SPOCK2: variants seen among roughly 807,000 people sequenced by gnomAD.
The protein encoded by SPOCK2 is SPARC (osteonectin), cwcv and kazal like domains proteoglycan 2.
In SPOCK2, 39 loss-of-function variants were observed where a neutral mutation model predicts 60.1. The ratio of observed to expected loss-of-function variants is 0.65; its 90% CI spans 0.50 to 0.85. The LOEUF is 0.85. Ranked by LOEUF, SPOCK2 falls within the 40% of genes least tolerant of loss-of-function variation. SPOCK2 has a pLI of 0.00. For synonymous variants in SPOCK2, 217 were observed against 231.5 expected (o/e 0.94, Z 0.57); for missense variants, 523 against 567.4 (o/e 0.92, Z 0.80).
chr10:72,064,040 C>T (rs1840532806), intron 9 of SPOCK2, 138 bp downstream of exon 9: 2 of 1,100,436 alleles, frequency 1.8e-6, no homozygotes, highest in East Asian at 5.6e-5. Flanking sequence ...GGGGGCAACC[C>T]TCTTCTGTCT....
At chr10:72,081,383 C>G (rs557784222) in intron 1 of SPOCK2, among the ~76,000 whole-genome samples, 1 of 152,342 alleles carries the variant, frequency 6.6e-6, no homozygotes, top group South Asian at 2.1e-4. Flanking sequence ...AGGTAAGACA[C>G]CAGCTGGGCC....
In SPOCK2 at chr10:72,067,711, A is replaced by C; in HGVS notation, c.611T>G (p.Leu204Arg). 24 of 1,613,780 alleles carry C rather than the reference A, an allele frequency of 1.5e-5. No individual in the cohort carries two copies. Among genetic ancestry groups the C allele is most frequent in the Non-Finnish European group, 2.0e-5 (24 of 1,179,938 alleles). The change falls in exon 7 of 11, where the codon CTG becomes CGG. Residue 204 changes from leucine to arginine, a missense_variant. Leu to Arg is a moderately radical substitution (Grantham distance 102). Transcript: ENST00000373109. ...GKPETCTGQD[L>R]ADLGDRLRDW... ...CCGCAGCCGATCTCCCAGGTCAGCC[A>C]GGTCCTGACCGGTGCAAGTCTCTGC...
intron 8 of SPOCK2, among the ~76,000 whole-genome samples, chr10:72,065,275 A>G (rs1477325191): frequency 6.6e-6 from 1 of 151,566 alleles, no homozygotes; most frequent in Admixed American, 6.6e-5. Flanking sequence ...ACCTCAGGTG[A>G]TCCACCCACC....
rs1250514902 is a variant in SPOCK2 at position 72,088,547 on chromosome 10, G to C, written c.-219C>G. 2.0e-6 allele frequency: 1 copy of C among 509,070 alleles called. No homozygotes were observed. Among genetic ancestry groups the C allele is most frequent in the Non-Finnish European group, 3.4e-6 (1 of 292,386 alleles). 31.5% of individuals were successfully genotyped at this position (509,070 alleles called of 1,614,324 possible). Reference sequence around the variant, plus strand: ...AGCACTGGACGCGGAGAGGGAGAGAGAATCAGAGAGGCTGCGCCAGCAGGG... The same window carrying C: ...AGCACTGGACGCGGAGAGGGAGAGACAATCAGAGAGGCTGCGCCAGCAGGG... On this transcript the variant is annotated 5_prime_UTR_variant, in exon 1 of 11. Transcript: ENST00000373109.
chr10:72,065,333 G>T (rs1274781692), intron 8 of SPOCK2, among the ~76,000 whole-genome samples: 2 of 152,206 alleles, frequency 1.3e-5, no homozygotes, highest in African/African-American at 4.8e-5. Context: ...ACCGCGCCCG[G>T]TCTATGTTTA....
At chr10:72,067,553 G>A in intron 7 of SPOCK2, 60 bp downstream of exon 7, 2 of 1,603,110 alleles carry the variant, frequency 1.2e-6, no homozygotes, top group South Asian at 1.1e-5. Flanking sequence ...GCATACACCT[G>A]TGTCCTCAGC....
At chr10:72,073,087 G>A (rs1218344593) in intron 1 of SPOCK2, among the ~76,000 whole-genome samples, 177 bp from the exon 2 acceptor site, 2 of 152,172 alleles carry the variant, frequency 1.3e-5, no homozygotes, top group East Asian at 3.9e-4. Context: ...CCCAATAAGA[G>A]GCCAGTATTC....
chr10:72,084,744 G>A (rs1039845460), intron 1 of SPOCK2, among the ~76,000 whole-genome samples: 2 of 152,160 alleles, frequency 1.3e-5, no homozygotes, highest in African/African-American at 4.8e-5. Context: ...TTACTTCTCT[G>A]TGCCTCAGTT....
Position 72,072,495 on chromosome 10 carries a change from C to T in SPOCK2, c.244+8G>A. ...AGTCACCTTCCCCCGCCGGGAGAGT[C>T]ATGTTACCTTCATCTCCTTGCTGAT... On this transcript the variant is annotated splice_region_variant and intron_variant, in intron 3 of 10. Transcript: ENST00000373109. 1 of 1,613,968 alleles carries T rather than the reference C, an allele frequency of 6.2e-7. No individual in the cohort carries two copies. The highest frequency in any genetic ancestry group is 1.1e-5 in the South Asian group (1 of 91,046).
rs1840479291 is a variant in SPOCK2 at position 72,060,667 on chromosome 10, G to A, written c.*2093C>T. 1 of 152,890 alleles carries A rather than the reference G, an allele frequency of 6.5e-6. No individual in the cohort carries two copies. The highest frequency in any genetic ancestry group is 6.5e-5 in the Admixed American group (1 of 15,268). The allele number at this position is 152,890 out of a possible 1,614,324, so 9.5% of individuals were successfully genotyped here. ...AACAGCATTTCCCTGAACTGAGCCG[G>A]GGCTGGAGTGGGGAGGTGAAGGACA... is the stretch of plus-strand genomic sequence containing the variant. On this transcript the variant is annotated 3_prime_UTR_variant, in exon 11 of 11. Coordinates refer to ENST00000373109, the MANE Select transcript of SPOCK2 (RefSeq NM_001244950.2).
In SPOCK2 at chr10:72,068,311, G is replaced by T. The variant is rs1479818420; in HGVS notation, c.475-10C>A. 6.2e-7 allele frequency: 1 copy of T among 1,601,470 alleles called. No individual in the cohort carries two copies. The highest frequency in any genetic ancestry group is 2.2e-5 in the East Asian group (1 of 44,456). The stretch of plus-strand genomic sequence containing the variant: ...GTTGCTCCAGCTTACACTGCACATG[G>T]GGAAAGGTGGAACAGGGGACTGAGG... On this transcript the variant is annotated splice_polypyrimidine_tract_variant and intron_variant, in intron 5 of 10. Transcript: ENST00000373109.
rs1840491006 is a variant in SPOCK2, at chr10:72,061,510, C to A, written c.*1250G>T. ...ATGGTCTCAGAGTGCGGAAAGGCTG[C>A]AGCTTTCGGCAGCTGCTTCTCTCCG... On this transcript the variant is annotated 3_prime_UTR_variant, in exon 11 of 11. Coordinates refer to ENST00000373109, the MANE Select transcript of SPOCK2 (RefSeq NM_001244950.2). 6.5e-6 allele frequency: 1 copy of A among 152,772 alleles called. No homozygotes were observed. Among genetic ancestry groups the A allele is most frequent in the African/African-American group, 2.4e-5 (1 of 41,448 alleles). The allele number at this position is 152,772 out of a possible 1,614,324, so 9.5% of individuals were successfully genotyped here.
At chr10:72,075,335 G>A (rs1840702284) in intron 1 of SPOCK2, among the ~76,000 whole-genome samples, 1 of 152,118 alleles carries the variant, frequency 6.6e-6, no homozygotes, top group Non-Finnish European at 1.5e-5. Context: ...GTTCTGGGAG[G>A]GAGGTATGAG....
chr10:72,062,903 C>A lies in SPOCK2; in HGVS notation c.1132G>T (p.Asp378Tyr). The change falls in exon 11 of 11, where the codon GAC (aspartate) becomes TAC (tyrosine). Residue 378 changes from aspartate to tyrosine, a missense_variant and splice_region_variant. Transcript: ENST00000373109. The surrounding 1 kb of genome is among the most constrained non-coding windows in gnomAD (Gnocchi z 4.3). Reference protein sequence around the residue: ...TRTHGSPDCDDIVGFSGDFGS... With the variant: ...TRTHGSPDCDYIVGFSGDFGS... ...AAGTCCCCCGAGAAGCCCACGATGT[C>A]ATCTGTGAGGGGATCAAGCCAACAG... 1 of 1,598,070 alleles carries A rather than the reference C, an allele frequency of 6.3e-7. No individual in the cohort carries two copies. The highest frequency in any genetic ancestry group is 8.5e-7 in the Non-Finnish European group (1 of 1,174,596).
At chr10:72,078,558 A>T (rs1166565499) in intron 1 of SPOCK2, among the ~76,000 whole-genome samples, 1 of 151,812 alleles carries the variant, frequency 6.6e-6, no homozygotes, top group Non-Finnish European at 1.5e-5. Context: ...TTTTAAAAAT[A>T]ATAAAAAATA....
intron 1 of SPOCK2, among the ~76,000 whole-genome samples, chr10:72,078,522 G>T (rs548290730): frequency 3.9e-4 from 59 of 151,078 alleles, no homozygotes; most frequent in African/African-American, 1.3e-3. Context: ...AAAAAATAAA[G>T]AAATAAATAA....
At chr10:72,070,482 G>A in intron 4 of SPOCK2, 56 bp from the exon 5 acceptor site, 1 of 1,540,938 alleles carries the variant, frequency 6.5e-7, no homozygotes, top group Non-Finnish European at 9.0e-7. Context: ...GGAAGGAGCA[G>A]GGGAAGGGAG....
intron 8 of SPOCK2, among the ~76,000 whole-genome samples, chr10:72,065,686 A>C (rs911235296): frequency 1.3e-5 from 2 of 152,238 alleles, no homozygotes; most frequent in Non-Finnish European, 2.9e-5. Context: ...AAGAAAGTAC[A>C]GAATGGATGG....
At chr10:72,068,538 G>T (rs1475459532) in intron 5 of SPOCK2, among the ~76,000 whole-genome samples, 1 of 152,154 alleles carries the variant, frequency 6.6e-6, no homozygotes, top group Non-Finnish European at 1.5e-5. Context: ...CCATGAGCCT[G>T]CTCGGCCCTC....
Sources: allele counts gnomAD v4.1 joint callset (sites outside exome capture counted in the v4.1 genomes callset), GRCh38; gene constraint gnomAD v4.1.1; non-coding constraint Gnocchi (gnomAD v3.1); transcripts MANE v1.5; gene names NCBI Gene and HGNC (gene_info 2026-07-23, HGNC 2026-07-21).